The following MPDZ variants were observed in gnomAD, a reference collection of about 807,000 sequenced individuals.
MPDZ encodes the protein multiple PDZ domain protein.
A neutral mutation model predicts 239.1 loss-of-function variants in MPDZ; 234 were observed. The ratio of observed to expected loss-of-function variants is 0.98; its 90% confidence interval spans 0.88 to 1.09. MPDZ has a LOEUF of 1.09. Ranked by LOEUF, MPDZ falls within the 50% of genes least tolerant of loss-of-function variation. MPDZ has a pLI of 0.00. For missense variants in MPDZ, 3,175 were observed against 2,510.0 expected (o/e 1.26, Z -5.66); for synonymous variants, 1,048 against 881.3 (o/e 1.19, Z -3.35).
Position 13,136,818 on chromosome 9 carries a change from T to C in MPDZ, c.4201-15A>G, listed in dbSNP as rs374370578. The C allele has an allele frequency of 1.5e-4, 224 of 1,496,898 alleles. 1 individual carries two copies. Among genetic ancestry groups the C allele is most frequent in the Non-Finnish European group, 2.0e-4 (218 of 1,089,086 alleles). The allele number at this position is 1,496,898 out of a possible 1,614,324, so 92.7% of individuals were successfully genotyped here. A position where few individuals can be genotyped will look rare whatever the true frequency, so the allele number is the denominator to read the frequency against. On this transcript the variant is annotated splice_polypyrimidine_tract_variant and intron_variant, in intron 29 of 46. Transcript: ENST00000319217. The stretch of plus-strand genomic sequence containing the variant: ...TGACCATTGATCTGTGAGAAATAAA[T>C]ATCATTAGTTGGGCCTGAAATCTTA...
At chr9:13,178,122 G>A (rs1009975244) in intron 19 of MPDZ, among the ~76,000 whole-genome samples, 1 of 152,024 alleles carries the variant, frequency 6.6e-6, no homozygotes, top group Non-Finnish European at 1.5e-5. Context: ...AGCCGGGCGT[G>A]GTGGCTGGTG....
chr9:13,144,858 T>C (rs1948221083), intron 26 of MPDZ, among the ~76,000 whole-genome samples: 1 of 152,042 alleles, frequency 6.6e-6, no homozygotes, highest in African/African-American at 2.4e-5. Context: ...CCAAGGCACA[T>C]GACCATTTAT....
chr9:13,122,274 G>A, intron 36 of MPDZ, 104 bp from the exon 37 acceptor site: 1 of 1,004,512 alleles, frequency 1.0e-6, no homozygotes, highest in East Asian at 2.5e-5. Context: ...AGCAATAAGG[G>A]TTATAAACTC....
intron 23 of MPDZ, among the ~76,000 whole-genome samples, chr9:13,161,380 G>C (rs10756459): frequency 0.42 from 63,637 of 151,298 alleles, 15,506 homozygotes; most frequent in African/African-American, 0.68. Flanking sequence ...GACCAGCCTG[G>C]CCAACATGGT....
Position 13,214,866 on chromosome 9 carries a change from G to T in MPDZ, c.1290+1908C>A, listed in dbSNP as rs542149411. The stretch of plus-strand genomic sequence containing the variant: ...TTGATCTTTAGTGTAGATCTGAAGA[G>T]GTGAACAGGTGTAGGTAGGAGTTTC... On this transcript the variant is annotated intron_variant, in intron 10 of 46. Coordinates refer to ENST00000319217, the MANE Select transcript of MPDZ (RefSeq NM_001378778.1). Among the ~76,000 whole-genome samples the T allele has an allele frequency of 4.0e-5, 6 of 151,362 alleles. 1 individual carries two copies. The South Asian group carries it at 1.3e-3, about 32-fold the overall frequency.
Position 13,219,546 on chromosome 9 carries a change from C to A in MPDZ, c.1086+13G>T. 6.2e-7 allele frequency: 1 copy of A among 1,609,108 alleles called. No homozygotes were observed. The highest frequency in any genetic ancestry group is 8.5e-7 in the Non-Finnish European group (1 of 1,177,044). On this transcript the variant is annotated intron_variant, in intron 8 of 46. Transcript: ENST00000319217. ...TTCTCTGACTTTCACATTAACTACT[C>A]TTAACTACTTACCCGCAACTCTGGT...
intron 27 of MPDZ, among the ~76,000 whole-genome samples, chr9:13,142,951 A>T (rs1311696596): frequency 6.6e-6 from 1 of 152,142 alleles, no homozygotes; most frequent in Non-Finnish European, 1.5e-5. Context: ...ATTTACGAGC[A>T]TTGAAACAGT....
intron 39 of MPDZ, among the ~76,000 whole-genome samples, chr9:13,118,964 T>A (rs78718232): frequency 3.3e-5 from 5 of 152,326 alleles, no homozygotes; most frequent in African/African-American, 4.8e-5. Context: ...ATTACCTTCG[T>A]TGCATAAGGA....
intron 12 of MPDZ, among the ~76,000 whole-genome samples, chr9:13,201,031 T>C (rs1277221876): frequency 6.6e-6 from 1 of 152,114 alleles, no homozygotes; most frequent in African/African-American, 2.4e-5. Flanking sequence ...GCAATTATCA[T>C]ATTATAGTAA....
At chr9:13,194,771 G>C (rs1055388390) in intron 13 of MPDZ, among the ~76,000 whole-genome samples, 4 of 151,882 alleles carry the variant, frequency 2.6e-5, no homozygotes, top group African/African-American at 9.7e-5. Context: ...CTAGTCAAAG[G>C]GTCTCCTTCA....
intron 3 of MPDZ, among the ~76,000 whole-genome samples, chr9:13,232,335 T>C (rs1962733037): frequency 6.6e-6 from 1 of 152,158 alleles, no homozygotes; most frequent in Admixed American, 6.6e-5. Context: ...TGATTAAATT[T>C]GTTTAATTGG....
At chr9:13,133,484 C>T (rs1187317765) in intron 32 of MPDZ, among the ~76,000 whole-genome samples, 2 of 152,142 alleles carry the variant, frequency 1.3e-5, no homozygotes, top group Non-Finnish European at 2.9e-5. Context: ...TCCTCCGTAG[C>T]AGGACCTTAG....
chr9:13,258,279 G>GA (rs1418006225), intron 1 of MPDZ, among the ~76,000 whole-genome samples: 1 of 152,182 alleles, frequency 6.6e-6, no homozygotes, highest in Non-Finnish European at 1.5e-5. Flanking sequence ...ACTAACAAGT[G>GA]AAAATATGTT....
At chr9:13,186,578 T>C (rs1022955176) in intron 17 of MPDZ, among the ~76,000 whole-genome samples, 192 bp from the exon 18 acceptor site, 3 of 152,162 alleles carry the variant, frequency 2.0e-5, no homozygotes, top group Non-Finnish European at 4.4e-5. Context: ...ATTCATTTGA[T>C]AAGACACAAT....
Position 13,109,082 on chromosome 9 carries a change from G to A in MPDZ, c.5943-23C>T, listed in dbSNP as rs564055327. On this transcript the variant is annotated intron_variant, in intron 45 of 46. Transcript: ENST00000319217. ...GGTCTACGGTGAAGGAAAGGAAAAAGAGGTTTTAAATTAAAAAAAAAAAAC... is the reference window on the plus strand; with the variant it reads ...GGTCTACGGTGAAGGAAAGGAAAAAAAGGTTTTAAATTAAAAAAAAAAAAC... 50 of 1,358,316 alleles carry A rather than the reference G, an allele frequency of 3.7e-5. 1 individual carries two copies. In the South Asian group the frequency reaches 1.0e-3, roughly 28 times the overall value. The allele number at this position is 1,358,316 out of a possible 1,614,324, so 84.1% of individuals were successfully genotyped here.
intron 1 of MPDZ, among the ~76,000 whole-genome samples, chr9:13,251,856 TAAAAAGTGC>T (rs1968127051): frequency 6.6e-6 from 1 of 152,196 alleles, no homozygotes; most frequent in African/African-American, 2.4e-5. Flanking sequence ...GCACTTGTTT[TAAAAAGTGC>T]CTTTGTGTCA....
intron 3 of MPDZ, among the ~76,000 whole-genome samples, chr9:13,225,791 T>A (rs1960389979): frequency 6.6e-6 from 1 of 152,044 alleles, no homozygotes; most frequent in Non-Finnish European, 1.5e-5. Flanking sequence ...AATCACCTAA[T>A]GACACATGGC....
intron 32 of MPDZ, among the ~76,000 whole-genome samples, chr9:13,133,069 A>T (rs887812574): frequency 1.3e-5 from 2 of 152,236 alleles, no homozygotes; most frequent in African/African-American, 4.8e-5. Flanking sequence ...ATCATTCATT[A>T]TAAAGTATTC....
intron 32 of MPDZ, among the ~76,000 whole-genome samples, chr9:13,127,786 T>C (rs1945340129): frequency 6.6e-6 from 1 of 152,228 alleles, no homozygotes; most frequent in Admixed American, 6.5e-5. Context: ...CAGTCATGTC[T>C]ATCTGCCAGA....
Sources: allele counts gnomAD v4.1 joint callset (sites outside exome capture counted in the v4.1 genomes callset), GRCh38; gene constraint gnomAD v4.1.1; transcripts MANE v1.5; gene names NCBI Gene and HGNC (gene_info 2026-07-23, HGNC 2026-07-21).